Variants in UVSSA observed in about 807,000 individuals in gnomAD.
UVSSA encodes the protein UV-stimulated scaffold protein A.
In UVSSA, 72 loss-of-function variants were observed where a neutral mutation model predicts 73.9. That is an observed-to-expected ratio of 0.97 (90% CI 0.81 to 1.19). The LOEUF (loss-of-function observed/expected upper bound fraction) is 1.19. Among genes scored for constraint, UVSSA ranks in the 50% most tolerant of loss-of-function variants. The pLI, the probability that UVSSA is intolerant of heterozygous loss-of-function variation, is 0.00. For synonymous variants in UVSSA, 454 were observed against 391.3 expected (o/e 1.16, Z -1.89); for missense variants, 1,150 against 965.0 (o/e 1.19, Z -2.54).
upstream of UVSSA, among the ~76,000 whole-genome samples, chr4:1,343,613 C>A (rs901817693): frequency 3.3e-5 from 5 of 152,100 alleles, no homozygotes; most frequent in Non-Finnish European, 5.9e-5. Flanking sequence ...ATGGTGAAAC[C>A]CTGTCTCCAC....
intron 13 of UVSSA, chr4:1,385,663 C>T: frequency 1.7e-6 from 1 of 596,438 alleles, no homozygotes; most frequent in Non-Finnish European, 3.0e-6. Context: ...CCTGGGGCGG[C>T]CCTTTCTAAG....
At chr4:1,348,307 AT>A in intron 2 of UVSSA, 118 bp downstream of exon 2, 1 of 770,276 alleles carries the variant, frequency 1.3e-6, no homozygotes. Flanking sequence ...CACCCAGGAC[AT>A]TTTCTCGGGG....
intron 7 of UVSSA, chr4:1,359,041 C>A (rs567551780): frequency 2.0e-5 from 3 of 152,354 alleles, no homozygotes; most frequent in Admixed American, 1.3e-4. Flanking sequence ...GAGCAGACAC[C>A]GTGTCTTTCC....
intron 2 of UVSSA, 88 bp from the exon 3 acceptor site, chr4:1,349,436 C>A (rs1407965854): frequency 5.4e-6 from 7 of 1,291,756 alleles, no homozygotes; most frequent in East Asian, 4.8e-5. Context: ...CCCTGCCACA[C>A]GTGCGTGCGG....
chr4:1,345,442 C>T (rs1052094073), upstream of UVSSA, among the ~76,000 whole-genome samples: 2 of 151,910 alleles, frequency 1.3e-5, no homozygotes, highest in African/African-American at 2.4e-5. Context: ...GTCAGGAGTT[C>T]GAGACCAGCC....
rs1720219266 is a variant in UVSSA at position 1,387,441 on chromosome 4, A to G, written c.*1480A>G. 6.6e-6 allele frequency: 1 copy of G among 152,252 alleles called. No homozygotes were observed. Among genetic ancestry groups the G allele is most frequent in the African/African-American group, 2.4e-5 (1 of 41,464 alleles). The allele number at this position is 152,252 out of a possible 1,614,324, so 9.4% of individuals were successfully genotyped here. A position where few individuals can be genotyped will look rare whatever the true frequency, so the allele number is the denominator to read the frequency against. ...TGGATAGTGTCCTCTGAAGCACAAA[A>G]GTTAATTTTGATGAAGTACAGCAAT... On this transcript the variant is annotated 3_prime_UTR_variant, in exon 14 of 14. Transcript: ENST00000389851.
chr4:1,390,352 G>C (rs1720375793), downstream of UVSSA: 1 of 152,298 alleles, frequency 6.6e-6, no homozygotes, highest in South Asian at 2.1e-4. Context: ...AGGCTGGAGT[G>C]CAGTGCAGTG....
intron 5 of UVSSA, 123 bp from the exon 6 acceptor site, chr4:1,354,612 G>A: frequency 1.3e-6 from 1 of 760,992 alleles, no homozygotes; most frequent in South Asian, 1.6e-5. Flanking sequence ...CCCGGGGGCA[G>A]GCATGGGCGT....
chr4:1,351,689 C>T, intron 3 of UVSSA, 26 bp from the exon 4 acceptor site: 3 of 1,610,638 alleles, frequency 1.9e-6, no homozygotes, highest in African/African-American at 1.3e-5. Flanking sequence ...GCGCCTGTCC[C>T]CTAGTCTTTA....
chr4:1,395,253 A>C (rs147348862), exon 14 of UVSSA: 2 of 1,454,466 alleles, frequency 1.4e-6, no homozygotes, highest in Admixed American at 4.0e-5. Flanking sequence ...GCCCATGTGG[A>C]GTGCCCGCCT....
intron 8 of UVSSA, among the ~76,000 whole-genome samples, chr4:1,368,629 G>C (rs1485777552): frequency 6.6e-6 from 1 of 152,248 alleles, no homozygotes; most frequent in Non-Finnish European, 1.5e-5. Context: ...CGCCTGCTCT[G>C]ACACAGCCCT....
At chr4:1,382,135 C>T (rs1398660392) in intron 12 of UVSSA, among the ~76,000 whole-genome samples, 1 of 152,244 alleles carries the variant, frequency 6.6e-6, no homozygotes, top group Non-Finnish European at 1.5e-5. Context: ...TGAGTGCAGC[C>T]TGATGCCCAG....
intron 8 of UVSSA, among the ~76,000 whole-genome samples, chr4:1,370,108 C>G (rs1198938176): frequency 6.6e-6 from 1 of 151,732 alleles, no homozygotes; most frequent in African/African-American, 2.4e-5. Flanking sequence ...GCTTACCCAT[C>G]TTTTTAATGG....
At chr4:1,373,762 T>C (rs1718419499) in intron 8 of UVSSA, among the ~76,000 whole-genome samples, 2 of 152,142 alleles carry the variant, frequency 1.3e-5, no homozygotes, top group Non-Finnish European at 2.9e-5. Context: ...CCCACACCCC[T>C]CAGAGCTCTT....
intron 12 of UVSSA, among the ~76,000 whole-genome samples, chr4:1,382,820 G>A (rs1010767809): frequency 2.0e-5 from 3 of 152,216 alleles, no homozygotes; most frequent in Non-Finnish European, 1.5e-5. Flanking sequence ...GGTCGCCCCC[G>A]TGGCCTGGTC....
At chr4:1,384,696 A>G (rs1374857891) in intron 13 of UVSSA, 1 of 152,320 alleles carries the variant, frequency 6.6e-6, no homozygotes, top group Admixed American at 6.5e-5. Flanking sequence ...GTCTGGTAGC[A>G]CCAGTGAGGT....
chr4:1,390,977 T>A (rs1720396788), downstream of UVSSA: 1 of 153,128 alleles, frequency 6.5e-6, no homozygotes, highest in African/African-American at 2.4e-5. Context: ...TAGAGTTGTA[T>A]AGATGTGTGT....
intron 8 of UVSSA, among the ~76,000 whole-genome samples, chr4:1,368,433 G>A (rs1300480359): frequency 2.0e-5 from 3 of 152,252 alleles, no homozygotes; most frequent in Admixed American, 1.3e-4. Context: ...GAACAGAGCG[G>A]TCTCCTTTCA....
intron 8 of UVSSA, among the ~76,000 whole-genome samples, chr4:1,368,136 C>G (rs1717578795): frequency 6.6e-6 from 1 of 152,226 alleles, no homozygotes; most frequent in Non-Finnish European, 1.5e-5. Flanking sequence ...CCTGACCTGG[C>G]CTGCTGGGCT....
Sources: gnomAD v4.1 joint callset for allele counts (sites outside exome capture counted in the v4.1 genomes callset) on GRCh38, gnomAD v4.1.1 for gene constraint, MANE v1.5 for transcripts, NCBI Gene and HGNC (gene_info 2026-07-23, HGNC 2026-07-21) for gene names.